STX8: variants seen among roughly 807,000 people sequenced by gnomAD.
STX8 encodes syntaxin-8.
STX8 carries 23 observed loss-of-function variants against 37.5 expected under a neutral mutation model. That is an observed-to-expected ratio of 0.61 (90% confidence interval 0.44 to 0.87). The LOEUF is 0.87. STX8 is among the 40% of genes least tolerant of loss of function. STX8 has a pLI of 0.00. For missense variants in STX8, 313 were observed against 284.7 expected (o/e 1.10, Z -0.71); for synonymous variants, 115 against 99.1 (o/e 1.16, Z -0.95).
chr17:9,481,091 G>A (rs1324731530), intron 6 of STX8, among the ~76,000 whole-genome samples: 1 of 152,112 alleles, frequency 6.6e-6, no homozygotes, highest in Non-Finnish European at 1.5e-5. Context: ...CACCATGTAA[G>A]CCAGGATGGT....
At position 9,507,276 on chromosome 17, in the gene STX8, C is replaced by A. The variant is rs553276254; in HGVS notation, c.324-2114G>T. Among the ~76,000 whole-genome samples the A allele has an allele frequency of 6.6e-5, 10 of 152,034 alleles. No homozygotes were observed. In the East Asian group the frequency reaches 1.2e-3, roughly 18 times the overall value. On this transcript the variant is annotated intron_variant, in intron 4 of 7. Coordinates refer to ENST00000306357, the MANE Select transcript of STX8 (RefSeq NM_004853.3). The surrounding 1 kb of genome is among the most constrained non-coding windows in gnomAD (Gnocchi z 4.0). ...CTGCAGGCTGCCCCTGGCAGACATA[C>A]CCCCAGGCCAGCCAAGTAGCCATGT...
chr17:9,412,463 G>C (rs1040713443), intron 6 of STX8, among the ~76,000 whole-genome samples: 4 of 152,100 alleles, frequency 2.6e-5, no homozygotes, highest in African/African-American at 9.7e-5. Flanking sequence ...ATTTTTAGTA[G>C]AGACAGGTTT....
At chr17:9,311,252 A>AC (rs1214798285) in intron 7 of STX8, among the ~76,000 whole-genome samples, 5 of 150,684 alleles carry the variant, frequency 3.3e-5, no homozygotes, top group African/African-American at 2.5e-5. Context: ...AAAAAAAAAA[A>AC]AGAGGAGAAG....
intron 5 of STX8, among the ~76,000 whole-genome samples, chr17:9,502,910 C>A (rs1424885792): frequency 6.6e-6 from 1 of 151,896 alleles, no homozygotes; most frequent in African/African-American, 2.4e-5. Context: ...CGAGACCAGC[C>A]TGGCCAGCAT....
At chr17:9,392,566 C>T (rs1912261354) in intron 6 of STX8, among the ~76,000 whole-genome samples, 1 of 152,124 alleles carries the variant, frequency 6.6e-6, no homozygotes, top group Non-Finnish European at 1.5e-5. Context: ...GTGACTGCAC[C>T]ACTACACTTC....
At chr17:9,364,444 T>A (rs185596679) in intron 7 of STX8, among the ~76,000 whole-genome samples, 1 of 152,118 alleles carries the variant, frequency 6.6e-6, no homozygotes, top group East Asian at 1.9e-4. Flanking sequence ...AAAATAATAA[T>A]AAGAACAACT....
chr17:9,366,766 A>G (rs938132487), intron 7 of STX8, among the ~76,000 whole-genome samples: 1 of 152,128 alleles, frequency 6.6e-6, no homozygotes, highest in Non-Finnish European at 1.5e-5. Context: ...CATTTGATTG[A>G]GCCCTCCATG....
At chr17:9,268,657 T>C (rs975792951) in intron 7 of STX8, among the ~76,000 whole-genome samples, 2 of 152,126 alleles carry the variant, frequency 1.3e-5, no homozygotes, top group African/African-American at 4.8e-5. Context: ...AGTTGGCTGT[T>C]AGTGTGGCAG....
chr17:9,439,365 A>T (rs1022995528), intron 6 of STX8, among the ~76,000 whole-genome samples: 1 of 152,180 alleles, frequency 6.6e-6, no homozygotes, highest in African/African-American at 2.4e-5. Flanking sequence ...ACCAATGCCT[A>T]ACAAAACACT....
intron 4 of STX8, among the ~76,000 whole-genome samples, chr17:9,513,125 C>A (rs1905067550): frequency 6.6e-6 from 1 of 151,908 alleles, no homozygotes; most frequent in Non-Finnish European, 1.5e-5. Flanking sequence ...AACTGTTTAT[C>A]CAACAGAGGA....
intron 6 of STX8, among the ~76,000 whole-genome samples, chr17:9,399,048 C>G (rs74516508): frequency 4.7e-5 from 4 of 85,606 alleles, no homozygotes; most frequent in Admixed American, 2.5e-4. Flanking sequence ...GACTCCAGCT[C>G]AAAAAAAAAA....
At chr17:9,573,556 C>G (rs76733406) in intron 1 of STX8, among the ~76,000 whole-genome samples, 1 of 152,128 alleles carries the variant, frequency 6.6e-6, no homozygotes, top group Non-Finnish European at 1.5e-5. Flanking sequence ...GCAAGCTGTT[C>G]CCCAACCACC....
At chr17:9,441,438 C>T (rs558160630) in intron 6 of STX8, among the ~76,000 whole-genome samples, 59 of 145,254 alleles carry the variant, frequency 4.1e-4, no homozygotes, top group East Asian at 1.1e-3. Flanking sequence ...GGCAGTGAGC[C>T]GATGTTGCAC....
intron 4 of STX8, among the ~76,000 whole-genome samples, chr17:9,519,694 CA>C (rs1198040173): frequency 6.6e-6 from 1 of 152,002 alleles, no homozygotes. Context: ...ATCTCCTCAA[CA>C]TCCCCGCTTC....
chr17:9,254,773 C>T (rs1906723549), intron 7 of STX8, among the ~76,000 whole-genome samples: 2 of 152,158 alleles, frequency 1.3e-5, no homozygotes, highest in Admixed American at 1.3e-4. Flanking sequence ...ACTGTGGGTT[C>T]TCGTTCACCG....
At chr17:9,423,938 T>G (rs1162278386) in intron 6 of STX8, among the ~76,000 whole-genome samples, 1 of 152,188 alleles carries the variant, frequency 6.6e-6, no homozygotes, top group Non-Finnish European at 1.5e-5. Context: ...AATCTTCTAC[T>G]GCCACAGAGT....
chr17:9,445,989 C>A (rs1904838436), intron 6 of STX8, among the ~76,000 whole-genome samples: 1 of 151,922 alleles, frequency 6.6e-6, no homozygotes, highest in Admixed American at 6.5e-5. Context: ...GCGCCTGCCA[C>A]CACGCCCGGC....
At chr17:9,563,340 A>G (rs1907326223) in intron 2 of STX8, among the ~76,000 whole-genome samples, 1 of 151,514 alleles carries the variant, frequency 6.6e-6, no homozygotes, top group Non-Finnish European at 1.5e-5. Context: ...TCGCCACCAC[A>G]CCCGGCTAAT....
intron 6 of STX8, chr17:9,461,235 AAC>A (rs1905374856): frequency 6.6e-6 from 1 of 152,092 alleles, no homozygotes; most frequent in African/African-American, 2.4e-5. Flanking sequence ...ACCAATCCAA[AAC>A]ACAAGCAGAT....
Sources: gnomAD v4.1 joint callset for allele counts (sites outside exome capture counted in the v4.1 genomes callset) on GRCh38, gnomAD v4.1.1 for gene constraint, Gnocchi (gnomAD v3.1) non-coding constraint, MANE v1.5 for transcripts, NCBI Gene and HGNC (gene_info 2026-07-23, HGNC 2026-07-21) for gene names.